IQGAP1: variants seen among roughly 807,000 people sequenced by gnomAD.
The protein encoded by IQGAP1 is ras GTPase-activating-like protein IQGAP1.
In IQGAP1, 66 loss-of-function variants were observed where a neutral mutation model predicts 215.6. The observed-to-expected ratio is 0.31, with a 90% CI of 0.25 to 0.38. The LOEUF is 0.38. IQGAP1 is among the 10% of genes least tolerant of loss of function. The probability of loss-of-function intolerance (pLI) is 1.00; values close to 1 mark genes in which losing one functional copy is unlikely to be tolerated. For synonymous variants in IQGAP1, 772 were observed against 728.7 expected (o/e 1.06, Z -0.96); for missense variants, 1,712 against 1,997.1 (o/e 0.86, Z 2.72).
At chr15:90,449,928 A>G (rs1965578067) in intron 11 of IQGAP1, among the ~76,000 whole-genome samples, 2 of 152,356 alleles carry the variant, frequency 1.3e-5, no homozygotes, top group South Asian at 2.1e-4. Flanking sequence ...ATTTTGATAC[A>G]TGCATACAAT....
At chr15:90,436,244 A>G (rs989860203) in intron 5 of IQGAP1, among the ~76,000 whole-genome samples, 3 of 152,070 alleles carry the variant, frequency 2.0e-5, no homozygotes, top group Non-Finnish European at 2.9e-5. Flanking sequence ...CCTTAGTATG[A>G]TTATGTTTGT....
At chr15:90,442,650 C>T (rs945388696) in intron 8 of IQGAP1, among the ~76,000 whole-genome samples, 2 of 152,072 alleles carry the variant, frequency 1.3e-5, no homozygotes, top group Non-Finnish European at 2.9e-5. Flanking sequence ...CAGTGAGACT[C>T]CAGGATTGTG....
intron 3 of IQGAP1, 30 bp from the exon 4 acceptor site, chr15:90,429,559 A>G: frequency 2.6e-6 from 4 of 1,512,554 alleles, no homozygotes; most frequent in Non-Finnish European, 2.7e-6. Context: ...AATACAGCCA[A>G]TAATACCTAA....
intron 6 of IQGAP1, among the ~76,000 whole-genome samples, chr15:90,439,610 AT>A (rs1965420767): frequency 6.6e-6 from 1 of 152,234 alleles, no homozygotes; most frequent in South Asian, 2.1e-4. Flanking sequence ...TGTGAACATG[AT>A]TAGTGAGTCT....
At chr15:90,404,935 AACTT>A (rs1341390470) in intron 2 of IQGAP1, among the ~76,000 whole-genome samples, 2 of 152,176 alleles carry the variant, frequency 1.3e-5, no homozygotes, top group Non-Finnish European at 2.9e-5. Flanking sequence ...AACATATTTG[AACTT>A]ACTAATATTT....
chr15:90,435,969 AGGTTCCTCACCTTGCTATAT>A (rs1965365360), intron 5 of IQGAP1, among the ~76,000 whole-genome samples: 1 of 151,980 alleles, frequency 6.6e-6, no homozygotes, highest in African/African-American at 2.4e-5. Context: ...TGTTCAAAGC[AGGTTCCTCACCTTGCTATAT>A]TGGATAAGGC....
At chr15:90,430,727 C>T (rs577067279) in intron 4 of IQGAP1, among the ~76,000 whole-genome samples, 1 of 151,808 alleles carries the variant, frequency 6.6e-6, no homozygotes, top group Non-Finnish European at 1.5e-5. Context: ...TTTTATTTTC[C>T]TTGTACTTTC....
intron 6 of IQGAP1, 58 bp from the exon 7 acceptor site, chr15:90,440,444 C>T (rs757512155): frequency 3.3e-4 from 400 of 1,196,592 alleles, no homozygotes; most frequent in Non-Finnish European, 4.6e-4. Flanking sequence ...ATGTTTCCTT[C>T]TCTTGGTTAT....
chr15:90,401,359 G>C (rs1192464395), intron 2 of IQGAP1, among the ~76,000 whole-genome samples: 1 of 152,224 alleles, frequency 6.6e-6, no homozygotes, highest in Middle Eastern at 3.4e-3. Flanking sequence ...GTTGTATGTT[G>C]GGAAGAATTA....
At chr15:90,439,293 A>C in intron 5 of IQGAP1, 39 bp from the exon 6 acceptor site, 1 of 1,558,444 alleles carries the variant, frequency 6.4e-7, no homozygotes, top group Non-Finnish European at 8.8e-7. Context: ...AGCTAGGCAC[A>C]GCTGGGAGGC....
chr15:90,454,627 A>T (rs1756997195), intron 14 of IQGAP1, 75 bp downstream of exon 14: 2 of 1,430,144 alleles, frequency 1.4e-6, no homozygotes, highest in Admixed American at 5.2e-5. Context: ...GGTTCAAAAT[A>T]CTACTCCTAG....
chr15:90,495,930 T>C, intron 36 of IQGAP1, among the ~76,000 whole-genome samples: 1 of 149,080 alleles, frequency 6.7e-6, no homozygotes. Flanking sequence ...ATTATGTTAT[T>C]ATTATTATTA....
At position 90,477,281 on chromosome 15, in the gene IQGAP1, C is replaced by T. The variant is rs1273242902; in HGVS notation, c.3104+51C>T. The T allele has an allele frequency of 2.0e-6, 3 of 1,471,610 alleles. No homozygotes were observed. The Middle Eastern group carries it at 5.4e-4, about 264-fold the overall frequency. 91.2% of individuals were successfully genotyped at this position (1,471,610 alleles called of 1,614,324 possible). ...AGGCCCCTTCCCACTATCAGAGGGG[C>T]TCCCAGTTTGAGATTCATGCCTTCC... On this transcript the variant is annotated intron_variant, in intron 25 of 37. Transcript: ENST00000268182.
rs1460569569 is a variant in IQGAP1 at position 90,501,178 on chromosome 15, A to AT, written c.*1072dup. 2.0e-5 allele frequency: 3 copies of AT among 152,542 alleles called. No individual in the cohort carries two copies. Among genetic ancestry groups the AT allele is most frequent in the Admixed American group, 2.0e-4 (3 of 15,262 alleles). The allele number at this position is 152,542 out of a possible 1,614,324, so 9.4% of individuals were successfully genotyped here. On this transcript the variant is annotated 3_prime_UTR_variant, in exon 38 of 38. Transcript: ENST00000268182. ...GTTCAGGGAGATAATTCTGCCTTTA[A>AT]TTGTCTAAAACAAAAACAAAACCAG... is the stretch of plus-strand genomic sequence containing the variant.
chr15:90,452,683 A>G (rs1293015289), intron 11 of IQGAP1, 92 bp from the exon 12 acceptor site: 5 of 1,405,816 alleles, frequency 3.6e-6, no homozygotes, highest in Non-Finnish European at 4.9e-6. Context: ...TGATAGCCAC[A>G]GAATGTGATA....
chr15:90,400,699 C>G (rs1348848137), intron 2 of IQGAP1, among the ~76,000 whole-genome samples: 1 of 152,186 alleles, frequency 6.6e-6, no homozygotes. Context: ...TGTATTTCTT[C>G]TGGTCTTACA....
intron 19 of IQGAP1, 84 bp downstream of exon 19, chr15:90,473,094 G>A: frequency 7.5e-7 from 1 of 1,337,986 alleles, no homozygotes; most frequent in Non-Finnish European, 1.0e-6. Flanking sequence ...TTGACTGTCT[G>A]AGTGTGTTTT....
chr15:90,448,836 A>G (rs1035126293), intron 10 of IQGAP1, 100 bp downstream of exon 10: 2 of 1,090,580 alleles, frequency 1.8e-6, no homozygotes, highest in Non-Finnish European at 2.4e-6. Context: ...TTTTTCCCCC[A>G]ATACGACTTT....
At chr15:90,398,906 T>C (rs1485140472) in intron 2 of IQGAP1, among the ~76,000 whole-genome samples, 2 of 149,042 alleles carry the variant, frequency 1.3e-5, no homozygotes, top group African/African-American at 2.5e-5. Flanking sequence ...CTCTGGAAGC[T>C]GAGGCACAAG....
Sources: allele counts gnomAD v4.1 joint callset (sites outside exome capture counted in the v4.1 genomes callset), GRCh38; gene constraint gnomAD v4.1.1; transcripts MANE v1.5; gene names NCBI Gene and HGNC (gene_info 2026-07-23, HGNC 2026-07-21).